Variants in DGKD observed in about 807,000 individuals in gnomAD.
DGKD encodes the protein DAG kinase delta.
Under a neutral mutation model 154.4 loss-of-function variants are expected in DGKD, and 68 were observed. The ratio of observed to expected loss-of-function variants is 0.44; its 90% CI spans 0.36 to 0.54. The LOEUF (loss-of-function observed/expected upper bound fraction) is 0.54, where lower values mean the gene tolerates loss of function less well. Among genes scored for constraint, DGKD ranks in the 20% least tolerant of loss-of-function variants. The pLI, the probability that DGKD is intolerant of heterozygous loss-of-function variation, is 0.00. For synonymous variants in DGKD, 693 were observed against 638.0 expected (o/e 1.09, Z -1.30); for missense variants, 1,343 against 1,593.6 (o/e 0.84, Z 2.68).
Position 233,446,546 on chromosome 2 carries a change from T to C in DGKD, c.1335-166T>C, listed in dbSNP as rs2124835183. On this transcript the variant is annotated intron_variant, in intron 11 of 29. Transcript: ENST00000264057. ...TGCCGTTAGTTGTGGAGTGCAGACATTTGTTCTCAGCCAAGTTATGGGACA... is the reference window on the plus strand; with the variant it reads ...TGCCGTTAGTTGTGGAGTGCAGACACTTGTTCTCAGCCAAGTTATGGGACA... Among the ~76,000 whole-genome samples, 3 of 152,350 alleles carry C rather than the reference T, an allele frequency of 2.0e-5. No homozygotes were observed. The South Asian group carries it at 6.2e-4, about 32-fold the overall frequency.
At chr2:233,404,523 C>T (rs926127958) in intron 3 of DGKD, among the ~76,000 whole-genome samples, 1 of 152,132 alleles carries the variant, frequency 6.6e-6, no homozygotes, top group African/African-American at 2.4e-5. Flanking sequence ...AAACTTCCTC[C>T]TGCTTTGGGT....
In DGKD at chr2:233,467,161, A is replaced by T; in HGVS notation, c.3382A>T (p.Asn1128Tyr). The stretch of plus-strand genomic sequence containing the variant: ...CGTGACCAAGTTTAAAAAGGAGAAA[A>T]ACAACAAGAACAAAGAAGCTCACAG... ...RLVTKFKKEK[N>Y]NKNKEAHSSL... The change falls in exon 28 of 30, where the codon AAC (asparagine) becomes TAC (tyrosine). Residue 1128 changes from asparagine (N) to tyrosine (Y), a missense_variant. By Grantham distance (143) the Asn-to-Tyr change is moderately radical (BLOSUM62 -2). Around this residue, in one of 6 missense-constraint regions of DGKD, gnomAD observed 429 missense variants for 496.3 expected, o/e 0.86. Coordinates refer to ENST00000264057, the MANE Select transcript of DGKD (RefSeq NM_152879.3). 1 of 1,614,118 alleles carries T rather than the reference A, an allele frequency of 6.2e-7. No individual in the cohort carries two copies. Among genetic ancestry groups the T allele is most frequent in the Non-Finnish European group, 8.5e-7 (1 of 1,179,976 alleles).
rs772070434 is a variant in DGKD at position 233,445,694 on chromosome 2, C to T, written c.1266C>T (p.Cys422=). The T allele has an allele frequency of 1.7e-5, 28 of 1,613,100 alleles. No individual in the cohort carries two copies. Among genetic ancestry groups the T allele is most frequent in the South Asian group, 9.9e-5 (9 of 90,898 alleles). ...GAGTACTGGGCTGGGGCTCAGCCTG[C>T]GATGACGACACCCAGCTCCCCCAGA... is the stretch of plus-strand genomic sequence containing the variant. The part of the protein sequence containing the change: ...LARVLGWGSA[C]DDDTQLPQIL... Residue 422 remains cysteine, a synonymous_variant, in exon 11 of 30, where the codon TGC becomes TGT. Coordinates refer to ENST00000264057, the MANE Select transcript of DGKD (RefSeq NM_152879.3). This position sits in a 1 kb window ranked among gnomAD's most constrained non-coding sequence, Gnocchi z 5.5.
At position 233,469,451 on chromosome 2, in the gene DGKD, C is replaced by T. The variant is rs748013352; in HGVS notation, c.3636C>T (p.Val1212=). ...AGCTGAGCCGCAGCGCCCCCGCCGT[C>T]GAGGCCTAGCCTCTGTCCTCTCAGC... ...IKELSRSAPA[V]EA is the part of the protein sequence containing the mutation. The change falls in exon 30 of 30, where the codon GTC becomes GTT. Residue 1212 remains valine, a synonymous_variant. Transcript: ENST00000264057. The T allele has an allele frequency of 1.4e-5, 23 of 1,598,750 alleles. No individual in the cohort carries two copies. The highest frequency in any genetic ancestry group is 2.7e-5 in the African/African-American group (2 of 74,718).
chr2:233,442,072 C>A (rs769887007), intron 10 of DGKD, 77 bp downstream of exon 10: 1 of 1,264,348 alleles, frequency 7.9e-7, no homozygotes, highest in Non-Finnish European at 1.2e-6. Flanking sequence ...GTCTCAGCTC[C>A]TGTTCATCTC....
intron 27 of DGKD, among the ~76,000 whole-genome samples, chr2:233,465,756 A>G (rs2124961864): frequency 6.6e-6 from 1 of 152,320 alleles, no homozygotes; most frequent in South Asian, 2.1e-4. Flanking sequence ...GATAACAGAA[A>G]AATGACATGG....
Position 233,469,746 on chromosome 2 carries a change from C to A in DGKD, c.*286C>A. On this transcript the variant is annotated 3_prime_UTR_variant, in exon 30 of 30. Coordinates refer to ENST00000264057, the MANE Select transcript of DGKD (RefSeq NM_152879.3). ...ATGTGTCACGGCCACTCAGCTCTCG[C>A]CCGCCTGTGCTGTGGGCCAGGGAAT... 2.5e-6 allele frequency: 1 copy of A among 398,706 alleles called. No homozygotes were observed. Among genetic ancestry groups the A allele is most frequent in the Non-Finnish European group, 4.6e-6 (1 of 217,090 alleles). 24.7% of individuals were successfully genotyped at this position (398,706 alleles called of 1,614,324 possible).
At position 233,365,467 on chromosome 2, in the gene DGKD, A is replaced by T. The variant is rs146610281; in HGVS notation, c.156+10793A>T. The stretch of plus-strand genomic sequence containing the variant: ...ACCGTCTTGGTTAGGCTGGTCTTGA[A>T]CTCCTGACCTCAGGTGATCCACCTG... On this transcript the variant is annotated intron_variant, in intron 1 of 29. Transcript: ENST00000264057. Among the ~76,000 whole-genome samples, 612 of 151,220 alleles carry T rather than the reference A, an allele frequency of 4.0e-3. 3 individuals carry two copies. Among genetic ancestry groups the T allele is most frequent in the Middle Eastern group, 0.01 (3 of 290 alleles).
At chr2:233,356,263 A>G (rs1476586469) in intron 1 of DGKD, among the ~76,000 whole-genome samples, 1 of 152,226 alleles carries the variant, frequency 6.6e-6, no homozygotes, top group East Asian at 1.9e-4. Flanking sequence ...GAGGTGGATC[A>G]CGTTGATTAG....
intron 16 of DGKD, among the ~76,000 whole-genome samples, chr2:233,450,449 C>G (rs2063238515): frequency 6.6e-6 from 1 of 152,222 alleles, no homozygotes; most frequent in African/African-American, 2.4e-5. Flanking sequence ...CAGAACTGCT[C>G]AGAAGGGGCT....
Position 233,446,743 on chromosome 2 carries a change from C to A in DGKD, c.1366C>A (p.Pro456Thr). The A allele has an allele frequency of 1.2e-6, 2 of 1,614,168 alleles. No individual in the cohort carries two copies. Among genetic ancestry groups the A allele is most frequent in the Non-Finnish European group, 1.7e-6 (2 of 1,180,038 alleles). ...WSVMAYEAKL[P>T]RQASSSTVTE... Reference sequence around the variant, plus strand: ...CGTCATGGCATACGAGGCCAAGCTCCCCCGGCAGGCCTCCTCCTCTACCGT... The same window carrying A: ...CGTCATGGCATACGAGGCCAAGCTCACCCGGCAGGCCTCCTCCTCTACCGT... Residue 456 changes from proline to threonine, a missense_variant, in exon 12 of 30, where the codon CCC becomes ACC. Pro to Thr is a conservative substitution (Grantham distance 38). This residue lies in a region of DGKD where 409 missense variants were observed against 446.0 expected (regional missense o/e 0.92). Transcript: ENST00000264057.
At chr2:233,360,068 A>G (rs34847903) in intron 1 of DGKD, among the ~76,000 whole-genome samples, 34,942 of 151,894 alleles carry the variant, frequency 0.23, 4,336 homozygotes, top group South Asian at 0.49. Flanking sequence ...GTCTGCTAAT[A>G]AGATGATGCT....
intron 1 of DGKD, among the ~76,000 whole-genome samples, chr2:233,374,867 CTAT>C (rs1702489700): frequency 6.6e-6 from 1 of 151,978 alleles, no homozygotes; most frequent in Non-Finnish European, 1.5e-5. Context: ...CTTTACTATG[CTAT>C]GTTGCCCAGG....
intron 1 of DGKD, among the ~76,000 whole-genome samples, chr2:233,374,860 T>C (rs1291686574): frequency 1.3e-5 from 2 of 149,646 alleles, no homozygotes; most frequent in African/African-American, 2.5e-5. Context: ...AGGGATACTT[T>C]ACTATGCTAT....
chr2:233,456,786 T>G, intron 19 of DGKD, 113 bp from the exon 20 acceptor site: 1 of 773,826 alleles, frequency 1.3e-6, no homozygotes, highest in Non-Finnish European at 2.2e-6. Flanking sequence ...AAATAATTGC[T>G]AAATGTAGCT....
chr2:233,445,405 T>G lies in DGKD; in HGVS notation c.1195-218T>G, dbSNP rs1387641673. ...TCCATTTCTCCCAGAAGCAGCATCTTATCTCAAGGGCAGTCATGTTTCTGT... is the reference window on the plus strand; with the variant it reads ...TCCATTTCTCCCAGAAGCAGCATCTGATCTCAAGGGCAGTCATGTTTCTGT... On this transcript the variant is annotated intron_variant, in intron 10 of 29. Coordinates refer to ENST00000264057, the MANE Select transcript of DGKD (RefSeq NM_152879.3). This position sits in a 1 kb window ranked among gnomAD's most constrained non-coding sequence, Gnocchi z 5.5. Among the ~76,000 whole-genome samples, 1 of 152,140 alleles carries G rather than the reference T, an allele frequency of 6.6e-6. No individual in the cohort carries two copies. The highest frequency in any genetic ancestry group is 1.5e-5 in the Non-Finnish European group (1 of 68,014).
chr2:233,444,140 C>T (rs548142062), intron 10 of DGKD, among the ~76,000 whole-genome samples: 10 of 152,260 alleles, frequency 6.6e-5, no homozygotes, highest in East Asian at 1.9e-4. Context: ...CCTAGTGCCT[C>T]GAGTTTCCAA....
At chr2:233,381,291 T>C (rs1156957844) in intron 1 of DGKD, among the ~76,000 whole-genome samples, 1 of 152,230 alleles carries the variant, frequency 6.6e-6, no homozygotes, top group Non-Finnish European at 1.5e-5. Flanking sequence ...AGGTGGTGGG[T>C]AAGTTGCAGG....
At chr2:233,422,996 A>G (rs1575089499) in intron 3 of DGKD, among the ~76,000 whole-genome samples, 1 of 152,236 alleles carries the variant, frequency 6.6e-6, no homozygotes, top group Non-Finnish European at 1.5e-5. Context: ...AAGATGTGAT[A>G]TAAATGGAAT....
Sources: gnomAD v4.1 joint callset for allele counts (sites outside exome capture counted in the v4.1 genomes callset) on GRCh38, gnomAD v4.1.1 for gene constraint, gnomAD v4.1.1 regional missense constraint, Gnocchi (gnomAD v3.1) non-coding constraint, MANE v1.5 for transcripts, NCBI Gene and HGNC (gene_info 2026-07-23, HGNC 2026-07-21) for gene names.